Variants in NHSL3 observed in about 807,000 individuals in gnomAD.
The protein encoded by NHSL3 is NHS like 3, also known as NHS-like protein 3.
the NHSL3 span, chr1:32,765,898 T>G: frequency 1.2e-5 from 17 of 1,422,550 alleles, no homozygotes; most frequent in Non-Finnish European, 1.6e-5. Context: ...TTATGTAGAA[T>G]GAGGAATCAA....
chr1:32,770,374 G>A, the NHSL3 span: 249 of 1,608,748 alleles, frequency 1.5e-4, 4 homozygotes, highest in Admixed American at 9.2e-4. This position sits in a 1 kb window ranked among gnomAD's most constrained non-coding sequence, Gnocchi z 8.3. Context: ...CTTCTCCTCC[G>A]TCTCCAGCCC....
At chr1:32,753,847 A>G in the NHSL3 span, among the ~76,000 whole-genome samples, 1 of 152,158 alleles carries the variant, frequency 6.6e-6, no homozygotes, top group African/African-American at 2.4e-5. Flanking sequence ...TGGGCGGCTC[A>G]GCCGGTCTCC....
the NHSL3 span, among the ~76,000 whole-genome samples, chr1:32,742,416 G>A: frequency 6.6e-6 from 1 of 152,250 alleles, no homozygotes. Context: ...CCCCCGGCTG[G>A]GGCAGGGATC....
the NHSL3 span, chr1:32,774,391 A>AAT: frequency 6.6e-6 from 1 of 152,144 alleles, no homozygotes; most frequent in Non-Finnish European, 1.5e-5. Flanking sequence ...CCTTGTAGCT[A>AAT]ATCAATCAAT....
At chr1:32,744,726 C>T in the NHSL3 span, among the ~76,000 whole-genome samples, 2 of 152,176 alleles carry the variant, frequency 1.3e-5, no homozygotes, top group African/African-American at 4.8e-5. Context: ...TCCCTGATTC[C>T]ACCACTGTCT....
chr1:32,772,944 C>G, the NHSL3 span: 18 of 1,555,660 alleles, frequency 1.2e-5, no homozygotes, highest in South Asian at 1.9e-4. Context: ...TCTCAGGGAC[C>G]CGAGCAGCTC....
the NHSL3 span, among the ~76,000 whole-genome samples, chr1:32,746,589 A>C: frequency 6.6e-6 from 1 of 152,200 alleles, no homozygotes; most frequent in African/African-American, 2.4e-5. Context: ...AAGGGGTGAG[A>C]GTAAGTAGCC....
chr1:32,772,707 T>C, the NHSL3 span, among the ~76,000 whole-genome samples: 1 of 152,292 alleles, frequency 6.6e-6, no homozygotes, highest in Admixed American at 6.5e-5. Flanking sequence ...TACATTATAG[T>C]GTCTGAACAT....
At chr1:32,742,247 G>A in the NHSL3 span, 1 of 1,234,018 alleles carries the variant, frequency 8.1e-7, no homozygotes. Context: ...CGGCCGAGGG[G>A]GCTCTGCCGG....
the NHSL3 span, chr1:32,770,022 G>A: frequency 6.3e-7 from 1 of 1,592,662 alleles, no homozygotes; most frequent in East Asian, 2.2e-5. The surrounding 1 kb of genome is among the most constrained non-coding windows in gnomAD (Gnocchi z 8.3). Flanking sequence ...TGGAGGCGGA[G>A]GCGGAGGCTG....
At chr1:32,754,510 T>C in the NHSL3 span, among the ~76,000 whole-genome samples, 2 of 152,072 alleles carry the variant, frequency 1.3e-5, no homozygotes, top group Admixed American at 6.6e-5. Flanking sequence ...CATAGGTACA[T>C]GTATACCTAT....
the NHSL3 span, among the ~76,000 whole-genome samples, chr1:32,756,036 G>A: frequency 2.6e-5 from 4 of 152,198 alleles, no homozygotes; most frequent in Admixed American, 6.5e-5. Context: ...CCTTGAGGAA[G>A]TGGCCTGGGG....
At chr1:32,764,841 C>T in the NHSL3 span, among the ~76,000 whole-genome samples, 4 of 152,176 alleles carry the variant, frequency 2.6e-5, no homozygotes, top group Admixed American at 6.5e-5. Flanking sequence ...ATTTGAACCT[C>T]GACCTGACTT....
the NHSL3 span, among the ~76,000 whole-genome samples, chr1:32,742,565 G>C: frequency 6.6e-6 from 1 of 152,244 alleles, no homozygotes; most frequent in African/African-American, 2.4e-5. Context: ...CAATGGGAGA[G>C]ACAGGTGGCC....
At chr1:32,756,469 G>GAC in the NHSL3 span, among the ~76,000 whole-genome samples, 2 of 37,988 alleles carry the variant, frequency 5.3e-5, no homozygotes, top group African/African-American at 1.9e-4. Flanking sequence ...AACATGACGA[G>GAC]ACCCCCCCCC....
At chr1:32,758,473 GA>G in the NHSL3 span, among the ~76,000 whole-genome samples, 1 of 152,044 alleles carries the variant, frequency 6.6e-6, no homozygotes, top group South Asian at 2.1e-4. Flanking sequence ...TCCACAGCTG[GA>G]CAAGGCTCCC....
At chr1:32,754,379 G>T in the NHSL3 span, among the ~76,000 whole-genome samples, 1 of 152,004 alleles carries the variant, frequency 6.6e-6, no homozygotes, top group African/African-American at 2.4e-5. Context: ...GTACATGTTC[G>T]CAGTTTACAC....
chr1:32,768,058 C>T, the NHSL3 span: 11 of 1,613,990 alleles, frequency 6.8e-6, no homozygotes, highest in Non-Finnish European at 9.3e-6. Context: ...CTGGTGTCTT[C>T]CAGAGAAACA....
At chr1:32,753,989 G>C in the NHSL3 span, 5 of 395,072 alleles carry the variant, frequency 1.3e-5, no homozygotes, top group Non-Finnish European at 2.3e-5. Flanking sequence ...CGCCCGCGGT[G>C]CCCGCCCGCG....
Sources: gnomAD v4.1 joint callset for allele counts (sites outside exome capture counted in the v4.1 genomes callset) on GRCh38, gnomAD v4.1.1 for gene constraint, Gnocchi (gnomAD v3.1) non-coding constraint, MANE v1.5 for transcripts, NCBI Gene and HGNC (gene_info 2026-07-23, HGNC 2026-07-21) for gene names.